Variants in FAM117B observed in about 807,000 individuals in gnomAD.
The protein encoded by FAM117B is family with sequence similarity 117 member B, also known as protein FAM117B.
A neutral mutation model predicts 52.8 loss-of-function variants in FAM117B; 22 were observed. The observed-to-expected ratio is 0.42, with a 90% CI of 0.30 to 0.59. The LOEUF is 0.59. FAM117B is among the 20% of genes least tolerant of loss of function. The probability of loss-of-function intolerance (pLI) is 0.22; values close to 1 mark genes in which losing one functional copy is unlikely to be tolerated. For missense variants in FAM117B, 678 were observed against 802.6 expected, an observed-to-expected ratio of 0.84 and a Z score of 1.88; for synonymous variants, 309 against 324.1, an observed-to-expected ratio of 0.95 and a Z score of 0.50.
At chr2:202,701,355 C>A (rs12474453) in intron 2 of FAM117B, among the ~76,000 whole-genome samples, 16,970 of 152,202 alleles carry the variant, frequency 0.11, 1,210 homozygotes, top group Non-Finnish European at 0.14. Flanking sequence ...GGCAATGCAA[C>A]TGGTCACCCA....
chr2:202,757,487 C>T lies in FAM117B; in HGVS notation c.1330+49C>T, dbSNP rs548153373. ...ACTAGATGATAATGGAATACCTCCTCTTGTATCATTCATTCTATTCATTTT... is the reference window on the plus strand; with the variant it reads ...ACTAGATGATAATGGAATACCTCCTTTTGTATCATTCATTCTATTCATTTT... On this transcript the variant is annotated intron_variant, in intron 6 of 7. Coordinates refer to ENST00000392238, the MANE Select transcript of FAM117B (RefSeq NM_173511.4). The T allele has an allele frequency of 5.3e-6, 8 of 1,523,504 alleles. No homozygotes were observed. In the East Asian group the frequency reaches 1.6e-4, roughly 30 times the overall value. The allele number at this position is 1,523,504 out of a possible 1,614,324, so 94.4% of individuals were successfully genotyped here.
chr2:202,659,476 A>C (rs1690097404), intron 1 of FAM117B, among the ~76,000 whole-genome samples: 1 of 151,174 alleles, frequency 6.6e-6, no homozygotes, highest in Non-Finnish European at 1.5e-5. Context: ...TGCCTGGCTA[A>C]TTTTTGTATT....
chr2:202,653,733 A>G (rs1195821494), intron 1 of FAM117B, among the ~76,000 whole-genome samples: 2 of 152,106 alleles, frequency 1.3e-5, no homozygotes, highest in Admixed American at 1.3e-4. Flanking sequence ...GTTTTTCTTC[A>G]TTTACTTGAA....
At chr2:202,749,904 G>A (rs1280277018) in intron 4 of FAM117B, among the ~76,000 whole-genome samples, 3 of 152,132 alleles carry the variant, frequency 2.0e-5, no homozygotes, top group African/African-American at 7.2e-5. Context: ...ATGTTCTTAA[G>A]TCTATTGAAA....
chr2:202,737,957 T>C (rs975110873), intron 4 of FAM117B, among the ~76,000 whole-genome samples: 1 of 152,236 alleles, frequency 6.6e-6, no homozygotes, highest in Non-Finnish European at 1.5e-5. Context: ...TCCCACAATG[T>C]AGCTATTGAT....
chr2:202,662,132 G>A (rs1310008563), intron 1 of FAM117B, among the ~76,000 whole-genome samples: 1 of 151,708 alleles, frequency 6.6e-6, no homozygotes, highest in Non-Finnish European at 1.5e-5. Flanking sequence ...GTGTGTGTGT[G>A]TGTGTGTATG....
chr2:202,639,174 G>A (rs1000149063), intron 1 of FAM117B, among the ~76,000 whole-genome samples: 2 of 152,158 alleles, frequency 1.3e-5, no homozygotes, highest in Non-Finnish European at 2.9e-5. Context: ...AAATTTCAGG[G>A]TCCATCTAGA....
intron 2 of FAM117B, among the ~76,000 whole-genome samples, chr2:202,704,169 T>C (rs1690838729): frequency 6.6e-6 from 1 of 152,200 alleles, no homozygotes; most frequent in African/African-American, 2.4e-5. Flanking sequence ...GGGAGAACTA[T>C]AGTACCAATT....
chr2:202,763,364 G>T (rs529063471), intron 7 of FAM117B, among the ~76,000 whole-genome samples: 1 of 152,060 alleles, frequency 6.6e-6, no homozygotes, highest in East Asian at 1.9e-4. Context: ...GAGCCACTGC[G>T]CCTGGCCTTC....
chr2:202,714,619 G>A (rs1302844936), intron 2 of FAM117B, among the ~76,000 whole-genome samples: 1 of 147,340 alleles, frequency 6.8e-6, no homozygotes. Context: ...GTGGAGGGAA[G>A]GTCAGCAGAT....
chr2:202,722,826 AAATT>A (rs1691175828), intron 2 of FAM117B, among the ~76,000 whole-genome samples: 2 of 152,244 alleles, frequency 1.3e-5, no homozygotes, highest in Admixed American at 1.3e-4. Flanking sequence ...TTGAACTTAA[AAATT>A]AAAAAAAAAA....
intron 1 of FAM117B, among the ~76,000 whole-genome samples, chr2:202,691,939 C>T (rs1207626734): frequency 2.0e-5 from 3 of 152,076 alleles, no homozygotes; most frequent in Non-Finnish European, 4.4e-5. Context: ...ATAACAATTA[C>T]GTATTAGTGA....
intron 7 of FAM117B, among the ~76,000 whole-genome samples, chr2:202,761,903 A>G (rs969095088): frequency 1.1e-4 from 16 of 151,138 alleles, no homozygotes; most frequent in South Asian, 2.1e-4. Context: ...TGTAATGTTT[A>G]TTATACGTTT....
intron 4 of FAM117B, among the ~76,000 whole-genome samples, chr2:202,740,198 A>AAAAAAAAAAAAAAAG (rs1691509315): frequency 6.8e-6 from 1 of 146,882 alleles, no homozygotes; most frequent in Non-Finnish European, 1.5e-5. Flanking sequence ...AAAAAAAAAA[A>AAAAAAAAAAAAAAAG]AAAATCCCCA....
chr2:202,683,696 C>G (rs1574554550), intron 1 of FAM117B, among the ~76,000 whole-genome samples: 2 of 152,068 alleles, frequency 1.3e-5, no homozygotes, highest in East Asian at 3.9e-4. Context: ...AACTCCAGAC[C>G]AGATGGCATC....
intron 4 of FAM117B, among the ~76,000 whole-genome samples, chr2:202,740,957 C>T (rs1277606473): frequency 6.6e-6 from 1 of 152,122 alleles, no homozygotes; most frequent in Non-Finnish European, 1.5e-5. Context: ...CACACATACA[C>T]ACACTTCTGT....
chr2:202,675,630 G>T (rs74985445), intron 1 of FAM117B, among the ~76,000 whole-genome samples: 13,632 of 151,890 alleles, frequency 0.09, 2,063 homozygotes, highest in African/African-American at 0.31. Context: ...TGGTGTTCAT[G>T]CCCTGTGTAA....
At chr2:202,686,917 C>T (rs1335773282) in intron 1 of FAM117B, among the ~76,000 whole-genome samples, 2 of 151,962 alleles carry the variant, frequency 1.3e-5, no homozygotes, top group East Asian at 1.9e-4. Context: ...GATACAATAA[C>T]ATACACACAG....
intron 4 of FAM117B, 149 bp from the exon 5 acceptor site, chr2:202,755,389 C>G (rs1691785796): frequency 1.2e-6 from 1 of 813,634 alleles, no homozygotes; most frequent in Admixed American, 2.5e-5. Context: ...TTCATACATG[C>G]TAAGGAGCAG....
Sources: gnomAD v4.1 joint callset for allele counts (sites outside exome capture counted in the v4.1 genomes callset) on GRCh38, gnomAD v4.1.1 for gene constraint, MANE v1.5 for transcripts, NCBI Gene and HGNC (gene_info 2026-07-23, HGNC 2026-07-21) for gene names.